The following SCN1A variants were observed in gnomAD, a reference collection of about 807,000 sequenced individuals.
The protein encoded by SCN1A is sodium voltage-gated channel alpha subunit 1, also known as sodium channel protein type 1 subunit alpha.
In SCN1A, 13 loss-of-function variants were observed where a neutral mutation model predicts 193.7. The observed-to-expected ratio is 0.07, with a 90% CI of 0.04 to 0.11. The LOEUF is 0.11. SCN1A is among the 10% of genes least tolerant of loss of function. The pLI, the probability that SCN1A is intolerant of heterozygous loss-of-function variation, is 1.00. For missense variants in SCN1A, 1,432 were observed against 2,451.1 expected (o/e 0.58, Z 8.78); for synonymous variants, 781 against 843.6 (o/e 0.93, Z 1.29).
rs554276653 is a variant in SCN1A at position 166,052,963 on chromosome 2, C to T, written c.603-20G>A. The T allele has an allele frequency of 2.1e-5, 34 of 1,588,566 alleles. No individual in the cohort carries two copies. Among genetic ancestry groups the T allele is most frequent in the Non-Finnish European group, 2.9e-5 (34 of 1,157,906 alleles). The stretch of plus-strand genomic sequence containing the variant: ...ACGTACCTGTAATAGGGAGTTCACA[C>T]ACAAACACAAAAACAGGACACAAAG... On this transcript the variant is annotated intron_variant, in intron 7 of 28. Transcript: ENST00000674923.
rs75022359 is a variant in SCN1A, at chr2:166,042,248, G to A, written c.2176+44C>T. ...ATTTGTTTGAAATGAGACAATATAAGTTTGGTGAAAATAATTGAAACGAAA... is the reference window on the plus strand; with the variant it reads ...ATTTGTTTGAAATGAGACAATATAAATTTGGTGAAAATAATTGAAACGAAA... On this transcript the variant is annotated intron_variant, in intron 15 of 28. Transcript: ENST00000674923. 1,843 of 1,587,948 alleles carry A rather than the reference G, an allele frequency of 1.2e-3. 31 individuals carry two copies. In the East Asian group the frequency reaches 0.032, roughly 28 times the overall value.
At chr2:166,035,505 T>G (rs1696211820) in intron 19 of SCN1A, among the ~76,000 whole-genome samples, 5 of 152,212 alleles carry the variant, frequency 3.3e-5, no homozygotes, top group Admixed American at 2.6e-4. Context: ...ATATAATGCA[T>G]GTATTGTAAA....
chr2:166,110,315 C>T (rs2106192220), intron 2 of SCN1A, among the ~76,000 whole-genome samples: 1 of 152,220 alleles, frequency 6.6e-6, no homozygotes, highest in South Asian at 2.1e-4. Flanking sequence ...AGGCCAAATG[C>T]TAGGCCTCAT....
At chr2:165,998,632 A>G (rs999625313) in intron 25 of SCN1A, among the ~76,000 whole-genome samples, 15 of 151,368 alleles carry the variant, frequency 9.9e-5, no homozygotes, top group African/African-American at 2.9e-4. Flanking sequence ...ACAGTTATTG[A>G]ATTTTTCAGA....
chr2:166,129,323 G>C (rs1691542560), upstream of SCN1A, among the ~76,000 whole-genome samples: 1 of 152,016 alleles, frequency 6.6e-6, no homozygotes, highest in Non-Finnish European at 1.5e-5. Flanking sequence ...TCCTGTTCTA[G>C]AATCACAGAA....
At chr2:166,044,581 C>T (rs1245939393) in intron 13 of SCN1A, among the ~76,000 whole-genome samples, 1 of 152,138 alleles carries the variant, frequency 6.6e-6, no homozygotes, top group African/African-American at 2.4e-5. Context: ...AATTCAGAGT[C>T]ATGTGCCTTT....
At chr2:166,077,451 AT>A (rs1685094865) in intron 3 of SCN1A, among the ~76,000 whole-genome samples, 2 of 151,956 alleles carry the variant, frequency 1.3e-5, no homozygotes, top group Admixed American at 6.6e-5. Context: ...GCAAATAAGC[AT>A]ATGAGAAGAA....
At chr2:166,049,128 TTA>T (rs1698230758) in intron 9 of SCN1A, among the ~76,000 whole-genome samples, 179 bp from the exon 10 acceptor site, 2 of 86,310 alleles carry the variant, frequency 2.3e-5, no homozygotes, top group Admixed American at 2.2e-4. Context: ...ATTAGATACT[TTA>T]CAGTGCAAAG....
chr2:166,105,421 A>T (rs1379092837), intron 2 of SCN1A, among the ~76,000 whole-genome samples: 1 of 152,236 alleles, frequency 6.6e-6, no homozygotes, highest in African/African-American at 2.4e-5. Context: ...TAAAACTTCT[A>T]CATATGTAGT....
chr2:166,052,790 C>T, intron 8 of SCN1A, 62 bp downstream of exon 8: 1 of 1,302,836 alleles, frequency 7.7e-7, no homozygotes, highest in Non-Finnish European at 1.1e-6. Flanking sequence ...AACTGAATGT[C>T]AAGCAGAGAA....
chr2:166,101,412 T>C (rs1370005429), intron 2 of SCN1A, among the ~76,000 whole-genome samples: 1 of 144,680 alleles, frequency 6.9e-6, no homozygotes, highest in Admixed American at 6.8e-5. Context: ...TAATGCTGGA[T>C]GACGAGTTAG....
upstream of SCN1A, among the ~76,000 whole-genome samples, chr2:166,131,842 G>A (rs192531447): frequency 1.1e-4 from 16 of 152,298 alleles, 1 homozygote; most frequent in Admixed American, 1.0e-3. Context: ...TGCCTGCCAA[G>A]GAGAAGGAAA....
At chr2:166,126,038 G>T (rs917452292) in intron 2 of SCN1A, among the ~76,000 whole-genome samples, 1 of 152,142 alleles carries the variant, frequency 6.6e-6, no homozygotes, top group East Asian at 1.9e-4. Context: ...CCACACAAAT[G>T]AGTTACAGTG....
chr2:166,043,187 T>G (rs946309374), intron 14 of SCN1A, among the ~76,000 whole-genome samples: 1 of 152,222 alleles, frequency 6.6e-6, no homozygotes, highest in Non-Finnish European at 1.5e-5. Flanking sequence ...ATATCAGCAT[T>G]TTTTAGTAAG....
intron 4 of SCN1A, chr2:166,071,710 G>A (rs1684438604): frequency 6.6e-6 from 1 of 152,084 alleles, no homozygotes; most frequent in African/African-American, 2.4e-5. Flanking sequence ...CTAACATGGT[G>A]AAACCCCGTC....
chr2:166,086,079 C>T (rs1261947018), intron 2 of SCN1A, among the ~76,000 whole-genome samples: 2 of 152,094 alleles, frequency 1.3e-5, no homozygotes. Flanking sequence ...CTGAATTGAC[C>T]TTCTCCTGGC....
intron 2 of SCN1A, among the ~76,000 whole-genome samples, chr2:166,101,875 A>T: frequency 6.6e-6 from 1 of 152,346 alleles, no homozygotes; most frequent in East Asian, 1.9e-4. Context: ...GACAAGTGGG[A>T]CCTAATTAAA....
At position 165,987,260 on chromosome 2, in the gene SCN1A, T is replaced by C. The variant is rs966068589; in HGVS notation, c.*3985A>G. On this transcript the variant is annotated 3_prime_UTR_variant, in exon 29 of 29. Coordinates refer to ENST00000674923, the MANE Select transcript of SCN1A (RefSeq NM_001165963.4). ...TCAGTATATCTTATCAGGAGGCACA[T>C]AGTATCAGTTGGTCTCATAATTGAT... 1.3e-5 allele frequency: 2 copies of C among 152,156 alleles called. No individual in the cohort carries two copies. Among genetic ancestry groups the C allele is most frequent in the Non-Finnish European group, 2.9e-5 (2 of 68,014 alleles). 9.4% of individuals were successfully genotyped at this position (152,156 alleles called of 1,614,324 possible). A position where few individuals can be genotyped will look rare whatever the true frequency, so the allele number is the denominator to read the frequency against.
chr2:166,101,715 T>C (rs186326677), intron 2 of SCN1A, among the ~76,000 whole-genome samples: 10 of 152,146 alleles, frequency 6.6e-5, no homozygotes, highest in Middle Eastern at 3.4e-3. Flanking sequence ...TTTCACCATA[T>C]ACAAAAATCA....
Sources: gnomAD v4.1 joint callset for allele counts (sites outside exome capture counted in the v4.1 genomes callset) on GRCh38, gnomAD v4.1.1 for gene constraint, MANE v1.5 for transcripts, NCBI Gene and HGNC (gene_info 2026-07-23, HGNC 2026-07-21) for gene names.